KIR3DL3: variants seen among roughly 807,000 people sequenced by gnomAD.
KIR3DL3 encodes killer cell immunoglobulin-like receptor 3DL3.
In KIR3DL3, 27 loss-of-function variants were observed where a neutral mutation model predicts 34.9. The observed-to-expected ratio is 0.77, with a 90% CI of 0.57 to 1.07. The LOEUF (loss-of-function observed/expected upper bound fraction) is 1.07. KIR3DL3 is among the 50% of genes least tolerant of loss of function. The pLI is 0.00. For missense variants in KIR3DL3, 681 were observed against 528.5 expected (o/e 1.29, Z -2.83); for synonymous variants, 217 against 200.2 (o/e 1.08, Z -0.71).
At chr19:54,733,553 G>A (rs1226797986) in intron 5 of KIR3DL3, among the ~76,000 whole-genome samples, 3 of 137,092 alleles carry the variant, frequency 2.2e-5, no homozygotes, top group African/African-American at 2.7e-5. Flanking sequence ...ACATAATTAT[G>A]ACACACAGAA....
At chr19:54,726,735 G>A (rs79514652) in intron 3 of KIR3DL3, among the ~76,000 whole-genome samples, 15,709 of 141,786 alleles carry the variant, frequency 0.11, 1,658 homozygotes, top group East Asian at 0.49. Context: ...CAGCCACAGC[G>A]GGCTTTGAAG....
intron 3 of KIR3DL3, 151 bp from the exon 4 acceptor site, chr19:54,727,460 T>C (rs1196117179): frequency 1.3e-6 from 1 of 760,036 alleles, no homozygotes; most frequent in Non-Finnish European, 2.1e-6. Context: ...TGGAGGGACC[T>C]GCAACAGGGG....
In KIR3DL3 at chr19:54,736,135, T is replaced by C; in HGVS notation, c.*39T>C. ...AATGCTGAGCGCAGATCCAAAGTTG[T>C]CTTCTGTCCACTAGCACCACAGTCA... On this transcript the variant is annotated 3_prime_UTR_variant, in exon 8 of 8. Transcript: ENST00000291860. 1.9e-6 allele frequency: 3 copies of C among 1,607,926 alleles called. No individual in the cohort carries two copies. Among genetic ancestry groups the C allele is most frequent in the Non-Finnish European group, 2.5e-6 (3 of 1,178,022 alleles).
At chr19:54,727,433 A>G (rs2068307810) in intron 3 of KIR3DL3, among the ~76,000 whole-genome samples, 178 bp from the exon 4 acceptor site, 1 of 136,136 alleles carries the variant, frequency 7.3e-6, no homozygotes, top group Non-Finnish European at 1.6e-5. Flanking sequence ...GAGACAGGGA[A>G]GAGGGAGGGA....
In KIR3DL3 at chr19:54,725,396, G is replaced by A. The variant is rs2068060164; in HGVS notation, c.70+114G>A. 1.1e-5 allele frequency: 9 copies of A among 849,212 alleles called. No homozygotes were observed. In the East Asian group the frequency reaches 2.3e-4, roughly 22 times the overall value. 52.6% of individuals were successfully genotyped at this position (849,212 alleles called of 1,614,324 possible). The stretch of plus-strand genomic sequence containing the variant: ...TGATGGGCTGACCATGGGAAGCCAT[G>A]TGGGAATCTCTCATGAACTAGGAAA... On this transcript the variant is annotated intron_variant, in intron 2 of 7. Transcript: ENST00000291860.
At chr19:54,731,259 G>A (rs2068760562) in intron 5 of KIR3DL3, among the ~76,000 whole-genome samples, 1 of 151,982 alleles carries the variant, frequency 6.6e-6, no homozygotes, top group Non-Finnish European at 1.5e-5. Flanking sequence ...ACCCACCTCG[G>A]CCTCCCAATG....
At chr19:54,726,677 G>T (rs1354236440) in intron 3 of KIR3DL3, among the ~76,000 whole-genome samples, 1 of 146,916 alleles carries the variant, frequency 6.8e-6, no homozygotes, top group Non-Finnish European at 1.5e-5. Context: ...GAGAGGAGGA[G>T]GAAGAGGAAA....
chr19:54,730,082 C>A (rs1392525997), intron 5 of KIR3DL3, among the ~76,000 whole-genome samples: 3 of 151,988 alleles, frequency 2.0e-5, no homozygotes, highest in Admixed American at 6.6e-5. Context: ...GTTCTCTCAG[C>A]CCCTCAACCT....
chr19:54,736,064 C>A lies in KIR3DL3; in HGVS notation c.1201C>A (p.Pro401Thr), dbSNP rs2069559164. ...AAAAATCACTCGCCCTTCTCAGAGG[C>A]CCAAGACACCCCCAACAGATACCAG... ...QRKITRPSQR[P>T]KTPPTDTSV The change falls in exon 8 of 8, where the codon CCC becomes ACC. Residue 401 changes from proline (P) to threonine (T), a missense_variant. Pro to Thr is a conservative substitution (Grantham distance 38). Coordinates refer to ENST00000291860, the MANE Select transcript of KIR3DL3 (RefSeq NM_153443.5). 5.6e-6 allele frequency: 9 copies of A among 1,613,554 alleles called. No individual in the cohort carries two copies.
At chr19:54,728,362 T>A (rs1446206284) in intron 4 of KIR3DL3, among the ~76,000 whole-genome samples, 2 of 148,014 alleles carry the variant, frequency 1.4e-5, no homozygotes, top group Non-Finnish European at 3.0e-5. Context: ...GTGTTTATTC[T>A]TAAACCTCTG....
chr19:54,735,397 T>C (rs1222313086), intron 6 of KIR3DL3, 40 bp downstream of exon 6: 7 of 971,124 alleles, frequency 7.2e-6, no homozygotes, highest in Admixed American at 1.7e-5. Flanking sequence ...CTCAGGGCCA[T>C]GTGGGGAAGC....
Position 54,736,224 on chromosome 19 carries a change from T to C in KIR3DL3, c.*128T>C, listed in dbSNP as rs2069592823. The C allele has an allele frequency of 1.5e-4, 189 of 1,287,960 alleles. 2 individuals are homozygous for C. The South Asian group carries it at 2.1e-3, about 14-fold the overall frequency. 79.8% of individuals were successfully genotyped at this position (1,287,960 alleles called of 1,614,324 possible). A position where few individuals can be genotyped will look rare whatever the true frequency, so the allele number is the denominator to read the frequency against. The stretch of plus-strand genomic sequence containing the variant: ...CTCAAAACCGGGTTGCCAGCTCCCA[T>C]GTACCAGCAGCTGGACTCTGAAGGC... On this transcript the variant is annotated 3_prime_UTR_variant, in exon 8 of 8. Coordinates refer to ENST00000291860, the MANE Select transcript of KIR3DL3 (RefSeq NM_153443.5).
In KIR3DL3 at chr19:54,729,644, G is replaced by GC; in HGVS notation, c.808dup (p.Leu270ProfsTer40). On this transcript the variant is annotated frameshift_variant, in exon 5 of 8. Transcript: ENST00000291860. LOFTEE classifies it high-confidence loss of function. ...CCGGTGAACTTAGGCTCACTGCAGT[G>GC]CTGAGGGTCAATGGAACATTCCAGG... 1 of 1,601,144 alleles carries GC rather than the reference G, an allele frequency of 6.2e-7. No homozygotes were observed. The highest frequency in any genetic ancestry group is 1.1e-5 in the South Asian group (1 of 90,486).
At chr19:54,727,993 G>A in intron 4 of KIR3DL3, 83 bp downstream of exon 4, 1 of 1,376,566 alleles carries the variant, frequency 7.3e-7, no homozygotes, top group Non-Finnish European at 1.0e-6. Flanking sequence ...GTGGTCATGA[G>A]GAAGATGAGT....
intron 3 of KIR3DL3, among the ~76,000 whole-genome samples, chr19:54,726,776 G>T (rs62131757): frequency 0.64 from 66,871 of 105,026 alleles, 22,198 homozygotes; most frequent in Middle Eastern, 0.72. Flanking sequence ...ACAAAGGCAG[G>T]TGGCCTCTAA....
intron 5 of KIR3DL3, among the ~76,000 whole-genome samples, 176 bp from the exon 6 acceptor site, chr19:54,735,077 G>A (rs1381713496): frequency 6.7e-6 from 1 of 148,534 alleles, no homozygotes; most frequent in Admixed American, 6.9e-5. Flanking sequence ...TGTATCCTCA[G>A]CACGTTCTAT....
At chr19:54,730,375 G>T (rs1210194830) in intron 5 of KIR3DL3, among the ~76,000 whole-genome samples, 1 of 149,648 alleles carries the variant, frequency 6.7e-6, no homozygotes, top group Non-Finnish European at 1.5e-5. Context: ...CCAACATGGG[G>T]AAAATCCATC....
intron 3 of KIR3DL3, among the ~76,000 whole-genome samples, chr19:54,727,258 A>G (rs1448931827): frequency 6.6e-5 from 8 of 121,614 alleles, no homozygotes; most frequent in Non-Finnish European, 1.2e-4. Context: ...AATCTGTCCA[A>G]AAGAGATTGA....
At chr19:54,732,365 C>T (rs1462286702) in intron 5 of KIR3DL3, among the ~76,000 whole-genome samples, 1 of 151,818 alleles carries the variant, frequency 6.6e-6, no homozygotes, top group Non-Finnish European at 1.5e-5. Context: ...ATTCTCCTGC[C>T]TCAGCCTACC....
Sources: allele counts gnomAD v4.1 joint callset (sites outside exome capture counted in the v4.1 genomes callset), GRCh38; gene constraint gnomAD v4.1.1; transcripts MANE v1.5; gene names NCBI Gene and HGNC (gene_info 2026-07-23, HGNC 2026-07-21).